The following SGTB variants were observed in gnomAD, a reference collection of about 807,000 sequenced individuals.
SGTB encodes the protein small glutamine-rich tetratricopeptide repeat-containing protein beta.
SGTB carries 19 observed loss-of-function variants against 43.9 expected under a neutral mutation model. The observed-to-expected ratio is 0.43, with a 90% CI of 0.30 to 0.63. The LOEUF is 0.63. Ranked by LOEUF, SGTB falls within the 30% of genes least tolerant of loss-of-function variation. The pLI is 0.12. For missense variants in SGTB, 304 were observed against 358.9 expected (o/e 0.85, Z 1.24); for synonymous variants, 116 against 117.3 (o/e 0.99, Z 0.07).
intron 5 of SGTB, among the ~76,000 whole-genome samples, chr5:65,690,109 G>A (rs982289115): frequency 1.3e-5 from 2 of 150,512 alleles, no homozygotes; most frequent in Non-Finnish European, 3.0e-5. Flanking sequence ...AGAAGGGGGG[G>A]ATGTGGGGGA....
chr5:65,717,692 A>C (rs1758177871), intron 2 of SGTB, among the ~76,000 whole-genome samples: 1 of 152,132 alleles, frequency 6.6e-6, no homozygotes, highest in African/African-American at 2.4e-5. Flanking sequence ...AGAAAGTGTT[A>C]AAATGGTCAT....
At chr5:65,702,602 A>G (rs529375417) in intron 5 of SGTB, among the ~76,000 whole-genome samples, 97 of 152,304 alleles carry the variant, frequency 6.4e-4, no homozygotes, top group South Asian at 3.5e-3. Flanking sequence ...GTGTCCTCAC[A>G]TGGCAAGAGG....
upstream of SGTB, chr5:65,722,422 CA>C (rs1221191664): frequency 6.3e-7 from 1 of 1,585,444 alleles, no homozygotes; most frequent in Non-Finnish European, 8.6e-7. Context: ...CAGGTACCTC[CA>C]GCGCGCGGGT....
At chr5:65,715,588 A>G (rs1168031528) in intron 2 of SGTB, among the ~76,000 whole-genome samples, 1 of 152,272 alleles carries the variant, frequency 6.6e-6, no homozygotes, top group African/African-American at 2.4e-5. Flanking sequence ...CTATGTGTCA[A>G]GCACTTTTCT....
intron 5 of SGTB, among the ~76,000 whole-genome samples, chr5:65,693,594 A>G (rs970338166): frequency 1.3e-5 from 2 of 152,066 alleles, no homozygotes; most frequent in Non-Finnish European, 2.9e-5. Flanking sequence ...CTGCCATGTC[A>G]CTGTTTCATC....
At position 65,669,548 on chromosome 5, in the gene SGTB, G is replaced by A. The variant is rs1757113677; in HGVS notation, c.*698C>T. ...CAATACCAAACTGCAGACAAGATTA[G>A]TTAAGAACTATGCAGAAAACCTGAG... On this transcript the variant is annotated 3_prime_UTR_variant, in exon 11 of 11. Transcript: ENST00000381007. 1.3e-5 allele frequency: 2 copies of A among 152,228 alleles called. No homozygotes were observed. The highest frequency in any genetic ancestry group is 4.8e-5 in the African/African-American group (2 of 41,444). 9.4% of individuals were successfully genotyped at this position (152,228 alleles called of 1,614,324 possible).
At chr5:65,704,112 CAG>C (rs1460721975) in intron 5 of SGTB, among the ~76,000 whole-genome samples, 165 bp downstream of exon 5, 3 of 150,936 alleles carry the variant, frequency 2.0e-5, no homozygotes, top group African/African-American at 7.3e-5. Flanking sequence ...AGATTAATAA[CAG>C]TGGTTGCCTC....
chr5:65,709,763 G>A (rs946996374), intron 3 of SGTB, among the ~76,000 whole-genome samples: 1 of 152,048 alleles, frequency 6.6e-6, no homozygotes, highest in South Asian at 2.1e-4. Flanking sequence ...ACCACACCTG[G>A]GTAATTTTTT....
rs917639089 is a variant in SGTB at position 65,666,373 on chromosome 5, A to G, written c.*3873T>C. The G allele has an allele frequency of 1.3e-5, 2 of 152,134 alleles. No homozygotes were observed. The highest frequency in any genetic ancestry group is 2.9e-5 in the Non-Finnish European group (2 of 68,002). The allele number at this position is 152,134 out of a possible 1,614,324, so 9.4% of individuals were successfully genotyped here. A position where few individuals can be genotyped will look rare whatever the true frequency, so the allele number is the denominator to read the frequency against. ...CTATATTATAAAAGTTAGATACACA[A>G]TTTGGTACATTAAATGAAAATGTCA... On this transcript the variant is annotated 3_prime_UTR_variant, in exon 11 of 11. Coordinates refer to ENST00000381007, the MANE Select transcript of SGTB (RefSeq NM_019072.3).
At chr5:65,677,447 T>C (rs1757304562) in intron 8 of SGTB, among the ~76,000 whole-genome samples, 1 of 151,746 alleles carries the variant, frequency 6.6e-6, no homozygotes, top group Non-Finnish European at 1.5e-5. Flanking sequence ...GAAACTATTC[T>C]AAAAAATTGA....
chr5:65,713,119 G>GTT, intron 2 of SGTB, 55 bp from the exon 3 acceptor site: 21 of 1,123,458 alleles, frequency 1.9e-5, no homozygotes, highest in East Asian at 2.6e-5. Context: ...AAAGAAACAA[G>GTT]TTTTTTTTTT....
intron 5 of SGTB, among the ~76,000 whole-genome samples, chr5:65,693,379 A>G (rs982117218): frequency 7.1e-6 from 1 of 141,444 alleles, no homozygotes; most frequent in African/African-American, 2.6e-5. Context: ...AAGAAAGAGA[A>G]AGGGAGGGAG....
At chr5:65,702,609 G>C (rs1430018165) in intron 5 of SGTB, among the ~76,000 whole-genome samples, 1 of 152,200 alleles carries the variant, frequency 6.6e-6, no homozygotes, top group Non-Finnish European at 1.5e-5. Context: ...CACATGGCAA[G>C]AGGGACAGGG....
chr5:65,683,242 A>G (rs1757433482), intron 6 of SGTB, among the ~76,000 whole-genome samples: 1 of 152,044 alleles, frequency 6.6e-6, no homozygotes, highest in Non-Finnish European at 1.5e-5. Flanking sequence ...CACTAAATAG[A>G]CTGTTTCAGC....
At chr5:65,696,082 C>T (rs976620272) in intron 5 of SGTB, among the ~76,000 whole-genome samples, 62 of 152,322 alleles carry the variant, frequency 4.1e-4, no homozygotes, top group African/African-American at 1.5e-3. Context: ...CACACGGCTA[C>T]GTGCTGTCAC....
At chr5:65,682,014 AT>A (rs1470029006) in intron 6 of SGTB, among the ~76,000 whole-genome samples, 1 of 152,172 alleles carries the variant, frequency 6.6e-6, no homozygotes, top group Non-Finnish European at 1.5e-5. Context: ...CTTTAAGAAA[AT>A]TTCATTCTAC....
chr5:65,672,108 C>T (rs1757170683), intron 9 of SGTB, 110 bp from the exon 10 acceptor site: 2 of 1,564,578 alleles, frequency 1.3e-6, no homozygotes, highest in African/African-American at 1.4e-5. Flanking sequence ...GAGGCTAGGC[C>T]AAATGTGTGT....
At chr5:65,703,763 C>A (rs1185364096) in intron 5 of SGTB, among the ~76,000 whole-genome samples, 2 of 148,552 alleles carry the variant, frequency 1.3e-5, no homozygotes, top group Non-Finnish European at 3.0e-5. Context: ...TTAGGCCGGG[C>A]GCGGTGGCTC....
intron 2 of SGTB, among the ~76,000 whole-genome samples, chr5:65,719,316 G>C (rs1408035023): frequency 1.3e-5 from 2 of 152,136 alleles, no homozygotes; most frequent in East Asian, 1.9e-4. Flanking sequence ...GGGGCTGGGA[G>C]GGGTGGCTCA....
Sources: allele counts gnomAD v4.1 joint callset (sites outside exome capture counted in the v4.1 genomes callset), GRCh38; gene constraint gnomAD v4.1.1; transcripts MANE v1.5; gene names NCBI Gene and HGNC (gene_info 2026-07-23, HGNC 2026-07-21).